LARGE1: variants seen among roughly 807,000 people sequenced by gnomAD.
The protein encoded by LARGE1 is xylosyl- and glucuronyltransferase LARGE1.
Under a neutral mutation model 87.6 loss-of-function variants are expected in LARGE1, and 43 were observed. The observed-to-expected ratio is 0.49, with a 90% confidence interval of 0.38 to 0.63. The LOEUF is 0.63. Among genes scored for constraint, LARGE1 ranks in the 30% least tolerant of loss-of-function variants. The pLI, the probability that LARGE1 is intolerant of heterozygous loss-of-function variation, is 0.00. For synonymous variants in LARGE1, 434 were observed against 394.6 expected (o/e 1.10, Z -1.18); for missense variants, 802 against 1,000.2 (o/e 0.80, Z 2.67).
At chr22:33,618,791 C>A (rs888704430) in intron 4 of LARGE1, among the ~76,000 whole-genome samples, 1 of 152,198 alleles carries the variant, frequency 6.6e-6, no homozygotes, top group African/African-American at 2.4e-5. Flanking sequence ...TGGGTAAATT[C>A]TGGAACTGGA....
chr22:33,804,848 G>C (rs566515944), intron 1 of LARGE1, among the ~76,000 whole-genome samples: 1 of 152,288 alleles, frequency 6.6e-6, no homozygotes, highest in Non-Finnish European at 1.5e-5. Flanking sequence ...ATCCCAGTCA[G>C]GTTCACGGCT....
At chr22:33,259,023 G>A (rs948868658) in intron 11 of LARGE1, among the ~76,000 whole-genome samples, 6 of 151,928 alleles carry the variant, frequency 3.9e-5, no homozygotes, top group East Asian at 1.9e-4. Context: ...GATTATGGGC[G>A]CCCGCCACCA....
At chr22:33,409,713 T>C (rs2066238315) in intron 7 of LARGE1, among the ~76,000 whole-genome samples, 1 of 151,916 alleles carries the variant, frequency 6.6e-6, no homozygotes, top group African/African-American at 2.4e-5. Context: ...TACAAAAAAT[T>C]AGCTAGGTGT....
intron 6 of LARGE1, among the ~76,000 whole-genome samples, chr22:33,483,716 AC>A (rs1260475303): frequency 1.3e-5 from 2 of 152,186 alleles, no homozygotes; most frequent in African/African-American, 4.8e-5. Flanking sequence ...TCGTTAAAGG[AC>A]GATTAAATTA....
the LARGE1 span, among the ~76,000 whole-genome samples, chr22:33,155,791 GAC>G: frequency 1.3e-5 from 2 of 152,164 alleles, no homozygotes; most frequent in Admixed American, 1.3e-4. Flanking sequence ...TTTTGAGGCA[GAC>G]CCTCCCATCA....
At chr22:33,187,672 A>C (rs1035393646) in intron 11 of LARGE1, among the ~76,000 whole-genome samples, 1 of 152,060 alleles carries the variant, frequency 6.6e-6, no homozygotes, top group African/African-American at 2.4e-5. Flanking sequence ...TAATCCCAGC[A>C]CTTTGGGAGG....
At chr22:33,200,352 G>A (rs954061825) in intron 11 of LARGE1, among the ~76,000 whole-genome samples, 1 of 152,228 alleles carries the variant, frequency 6.6e-6, no homozygotes, top group African/African-American at 2.4e-5. Flanking sequence ...AAGTTGTGGC[G>A]AGGATGTGGA....
At chr22:33,544,630 T>C (rs1251570193) in intron 6 of LARGE1, among the ~76,000 whole-genome samples, 1 of 152,020 alleles carries the variant, frequency 6.6e-6, no homozygotes, top group Non-Finnish European at 1.5e-5. Flanking sequence ...TGCAGTGAGC[T>C]GAGATCACAC....
At chr22:33,189,052 A>C (rs1602065865) in intron 11 of LARGE1, among the ~76,000 whole-genome samples, 1 of 152,172 alleles carries the variant, frequency 6.6e-6, no homozygotes, top group Non-Finnish European at 1.5e-5. Flanking sequence ...GGGCAGAGCC[A>C]GAAAGACTAG....
intron 14 of LARGE1, 33 bp downstream of exon 14, chr22:33,277,027 G>C: frequency 6.2e-7 from 1 of 1,604,694 alleles, no homozygotes; most frequent in Non-Finnish European, 8.5e-7. Context: ...CTCCCCCGTC[G>C]ACCATACCAG....
At chr22:33,090,693 A>T in the LARGE1 span, among the ~76,000 whole-genome samples, 1 of 152,186 alleles carries the variant, frequency 6.6e-6, no homozygotes, top group Non-Finnish European at 1.5e-5. Context: ...GGGACACAGG[A>T]TGTAACCATG....
chr22:33,142,476 C>T, the LARGE1 span, among the ~76,000 whole-genome samples: 2 of 152,038 alleles, frequency 1.3e-5, no homozygotes, highest in Admixed American at 1.3e-4. Flanking sequence ...TTTGGCAGTG[C>T]CCTTGGGCAT....
At chr22:33,332,926 A>C (rs1245806342) in intron 10 of LARGE1, among the ~76,000 whole-genome samples, 4 of 152,008 alleles carry the variant, frequency 2.6e-5, no homozygotes, top group Admixed American at 6.5e-5. Context: ...CCACAAAACA[A>C]TCCATCTGCT....
chr22:33,846,234 T>A (rs964038001), intron 1 of LARGE1, among the ~76,000 whole-genome samples: 1 of 152,258 alleles, frequency 6.6e-6, no homozygotes, highest in African/African-American at 2.4e-5. Context: ...GAAGATTTCA[T>A]GGACATTTAT....
chr22:33,422,057 C>T (rs1239047774), intron 7 of LARGE1, among the ~76,000 whole-genome samples: 1 of 152,236 alleles, frequency 6.6e-6, no homozygotes, highest in East Asian at 1.9e-4. Flanking sequence ...TTATCTTACT[C>T]ATTGCTGCCA....
intron 6 of LARGE1, among the ~76,000 whole-genome samples, chr22:33,465,902 T>C (rs1402634713): frequency 6.6e-6 from 1 of 152,158 alleles, no homozygotes; most frequent in African/African-American, 2.4e-5. Flanking sequence ...GCCACCTCCA[T>C]CTGCAAATAC....
chr22:33,298,837 G>T (rs893015815), intron 12 of LARGE1, among the ~76,000 whole-genome samples: 2 of 150,140 alleles, frequency 1.3e-5, no homozygotes, highest in African/African-American at 2.5e-5. Flanking sequence ...TGTCTAAAGA[G>T]AAGTAAAGGA....
At chr22:33,169,451 C>A (rs1408439603) in intron 11 of LARGE1, among the ~76,000 whole-genome samples, 1 of 152,066 alleles carries the variant, frequency 6.6e-6, no homozygotes, top group African/African-American at 2.4e-5. Flanking sequence ...GGCTATAAAT[C>A]ATATATTTTC....
intron 4 of LARGE1, among the ~76,000 whole-genome samples, chr22:33,611,683 T>C (rs931441043): frequency 2.6e-5 from 4 of 152,170 alleles, no homozygotes; most frequent in African/African-American, 9.7e-5. Flanking sequence ...ACAATGATTG[T>C]AGTTTGAAAT....
Sources: gnomAD v4.1 joint callset for allele counts (sites outside exome capture counted in the v4.1 genomes callset) on GRCh38, gnomAD v4.1.1 for gene constraint, MANE v1.5 for transcripts, NCBI Gene and HGNC (gene_info 2026-07-23, HGNC 2026-07-21) for gene names.